PARVA: variants seen among roughly 807,000 people sequenced by gnomAD.
The protein encoded by PARVA is alpha-parvin.
Under a neutral mutation model 52.6 loss-of-function variants are expected in PARVA, and 25 were observed. The observed-to-expected ratio is 0.48, with a 90% confidence interval of 0.35 to 0.66. The LOEUF is 0.66. Among genes scored for constraint, PARVA ranks in the 30% least tolerant of loss-of-function variants. The pLI is 0.01. For missense variants in PARVA, 373 were observed against 450.9 expected (o/e 0.83, Z 1.56); for synonymous variants, 185 against 179.1 (o/e 1.03, Z -0.26).
intron 1 of PARVA, among the ~76,000 whole-genome samples, chr11:12,450,644 C>A (rs1367051611): frequency 6.6e-6 from 1 of 152,160 alleles, no homozygotes; most frequent in Non-Finnish European, 1.5e-5. Flanking sequence ...AGGCTGTCTG[C>A]AAGTTGAGGA....
intron 9 of PARVA, chr11:12,513,686 T>A: frequency 1.7e-6 from 1 of 583,076 alleles, no homozygotes. Flanking sequence ...GAAGGAGAGA[T>A]CCAGTGGAAT....
rs573188099 is a variant in PARVA at position 12,420,769 on chromosome 11, C to T, written c.136+42986C>T. ...CTTACCAATCTTGTGGGGCAAGAAC[C>T]GTCATTATTCTCAATTTATAGATGA... On this transcript the variant is annotated intron_variant, in intron 1 of 12. Transcript: ENST00000334956. Among the ~76,000 whole-genome samples the T allele has an allele frequency of 5.9e-5, 9 of 152,206 alleles. No homozygotes were observed. In the South Asian group the frequency reaches 8.3e-4, roughly 14 times the overall value.
intron 1 of PARVA, among the ~76,000 whole-genome samples, chr11:12,406,978 G>T (rs1449954298): frequency 6.6e-6 from 1 of 151,912 alleles, no homozygotes; most frequent in Non-Finnish European, 1.5e-5. Flanking sequence ...CCTGTATCTG[G>T]TTTTTATTAT....
chr11:12,491,837 TCTAA>T (rs1302810108), intron 4 of PARVA, among the ~76,000 whole-genome samples: 3 of 152,276 alleles, frequency 2.0e-5, no homozygotes, highest in South Asian at 2.1e-4. Flanking sequence ...GTTAATCAGC[TCTAA>T]CTAATCTGTA....
intron 1 of PARVA, among the ~76,000 whole-genome samples, chr11:12,399,450 C>G (rs553979338): frequency 6.6e-6 from 1 of 152,192 alleles, no homozygotes; most frequent in Admixed American, 6.5e-5. Context: ...TGGTCTATAC[C>G]CTGTTCAACT....
At chr11:12,376,728 G>C, upstream of PARVA, 2 of 984,916 alleles carry the variant, frequency 2.0e-6, no homozygotes, top group Non-Finnish European at 2.4e-6. Flanking sequence ...GTGAGAACTT[G>C]AGATGGGTAA....
intron 1 of PARVA, among the ~76,000 whole-genome samples, chr11:12,466,008 G>C (rs1296695695): frequency 3.3e-5 from 5 of 152,050 alleles, no homozygotes; most frequent in African/African-American, 1.2e-4. Context: ...CCAGTGTTTA[G>C]TGTTGTCAGT....
chr11:12,444,230 T>C (rs1037455785), intron 1 of PARVA, among the ~76,000 whole-genome samples: 1 of 152,130 alleles, frequency 6.6e-6, no homozygotes, highest in African/African-American at 2.4e-5. Context: ...CATCAGGCAG[T>C]GCTGTTGGTA....
chr11:12,378,324 T>C (rs1939434633), intron 1 of PARVA, among the ~76,000 whole-genome samples: 1 of 152,176 alleles, frequency 6.6e-6, no homozygotes, highest in African/African-American at 2.4e-5. Context: ...TCGGGATCTT[T>C]TGTCCATCCC....
upstream of PARVA, chr11:12,377,465 G>A (rs1048313636): frequency 3.3e-5 from 47 of 1,405,904 alleles, no homozygotes; most frequent in Non-Finnish European, 3.6e-5. Context: ...GGCAGAGGGC[G>A]GCGCGAGGGA....
intron 1 of PARVA, among the ~76,000 whole-genome samples, chr11:12,441,766 G>A (rs1001150574): frequency 6.6e-6 from 1 of 152,140 alleles, no homozygotes. Flanking sequence ...AAACAAAAAC[G>A]ACTATATTTT....
intron 10 of PARVA, among the ~76,000 whole-genome samples, chr11:12,515,963 A>C (rs1246871186): frequency 1.3e-5 from 2 of 152,128 alleles, no homozygotes; most frequent in African/African-American, 4.8e-5. Flanking sequence ...CAGTCTCCTG[A>C]GCAGCTGGGA....
intron 6 of PARVA, 113 bp downstream of exon 6, chr11:12,504,542 C>A: frequency 1.5e-6 from 1 of 682,840 alleles, no homozygotes; most frequent in Non-Finnish European, 2.6e-6. Context: ...GTTGAGTGAG[C>A]CTGGGTGTGC....
At chr11:12,514,089 G>A (rs1343627005) in intron 10 of PARVA, 24 bp downstream of exon 10, 5 of 1,588,562 alleles carry the variant, frequency 3.1e-6, no homozygotes, top group Non-Finnish European at 4.3e-6. Flanking sequence ...CCCAGCACAG[G>A]TAGAGGCAGG....
chr11:12,402,755 C>T (rs772890143), intron 1 of PARVA, among the ~76,000 whole-genome samples: 11 of 152,134 alleles, frequency 7.2e-5, no homozygotes, highest in Non-Finnish European at 1.3e-4. Context: ...CATGTACATT[C>T]TGCTTTGTTT....
Position 12,534,142 on chromosome 11 carries a change from T to G in PARVA, c.*6217T>G, listed in dbSNP as rs1941808144. Among the ~76,000 whole-genome samples the G allele has an allele frequency of 2.0e-5, 3 of 152,142 alleles. No individual in the cohort carries two copies. ...GAGATCGCATCACTGCACTCAAGCC[T>G]GGGCAACAGAGCAAGACTGCGTCTC... On this transcript the variant is annotated 3_prime_UTR_variant, in exon 13 of 13. Coordinates refer to ENST00000334956, the MANE Select transcript of PARVA (RefSeq NM_018222.5).
chr11:12,379,122 G>A (rs190539249), intron 1 of PARVA, among the ~76,000 whole-genome samples: 1 of 152,310 alleles, frequency 6.6e-6, no homozygotes, highest in East Asian at 1.9e-4. Flanking sequence ...CTGTCCTGGC[G>A]CTGCTGGGAG....
At chr11:12,470,271 C>T (rs1181417252) in intron 1 of PARVA, among the ~76,000 whole-genome samples, 9 of 152,204 alleles carry the variant, frequency 5.9e-5, no homozygotes. Flanking sequence ...TTCTTGAGTG[C>T]TTACAATGCT....
At chr11:12,475,874 C>T (rs1394326449) in intron 3 of PARVA, among the ~76,000 whole-genome samples, 3 of 152,170 alleles carry the variant, frequency 2.0e-5, no homozygotes, top group Non-Finnish European at 4.4e-5. Flanking sequence ...TAGATGACTG[C>T]CCCTGCCCAG....
Sources: allele counts gnomAD v4.1 joint callset (sites outside exome capture counted in the v4.1 genomes callset), GRCh38; gene constraint gnomAD v4.1.1; transcripts MANE v1.5; gene names NCBI Gene and HGNC (gene_info 2026-07-23, HGNC 2026-07-21).